The following CELA2A variants were observed in gnomAD, a reference collection of about 807,000 sequenced individuals.
CELA2A encodes the protein chymotrypsin-like elastase family member 2A.
CELA2A carries 31 observed loss-of-function variants against 35.3 expected under a neutral mutation model. The observed-to-expected ratio is 0.88, with a 90% CI of 0.66 to 1.19. The LOEUF (loss-of-function observed/expected upper bound fraction) is 1.19, where lower values mean the gene tolerates loss of function less well. Among genes scored for constraint, CELA2A ranks in the 50% most tolerant of loss-of-function variants. The probability of loss-of-function intolerance (pLI) is 0.00; values close to 1 mark genes in which losing one functional copy is unlikely to be tolerated. For missense variants in CELA2A, 330 were observed against 352.9 expected (o/e 0.94, Z 0.52); for synonymous variants, 150 against 149.8 (o/e 1.00, Z -0.01).
chr1:15,467,552 C>T lies in CELA2A; in HGVS notation c.792+14C>T. 1 of 1,613,388 alleles carries T rather than the reference C, an allele frequency of 6.2e-7. No individual in the cohort carries two copies. ...TGGATCAATTCGGTAAGAACCGGAC[C>T]AGCCCTGAGCCCCAAGGCACTACCC... On this transcript the variant is annotated intron_variant, in intron 7 of 7. Coordinates refer to ENST00000359621, the MANE Select transcript of CELA2A (RefSeq NM_033440.3).
intron 2 of CELA2A, among the ~76,000 whole-genome samples, chr1:15,458,968 G>A (rs1382657185): frequency 3.4e-5 from 4 of 117,884 alleles, no homozygotes; most frequent in Non-Finnish European, 6.6e-5. Context: ...GACTGTCAAC[G>A]ATAGAATGAT....
chr1:15,458,685 G>A (rs1239170313), intron 2 of CELA2A, among the ~76,000 whole-genome samples: 1 of 152,010 alleles, frequency 6.6e-6, no homozygotes, highest in Non-Finnish European at 1.5e-5. Flanking sequence ...GGCCGAGGCA[G>A]GTGGATCACC....
intron 2 of CELA2A, chr1:15,457,451 T>A (rs1175246682): frequency 5.4e-6 from 2 of 373,624 alleles, no homozygotes; most frequent in East Asian, 1.1e-4. Context: ...CCTCTACTAA[T>A]AATACACAAG....
chr1:15,459,699 G>A (rs574942103), intron 2 of CELA2A, among the ~76,000 whole-genome samples: 1 of 152,228 alleles, frequency 6.6e-6, no homozygotes, highest in African/African-American at 2.4e-5. Flanking sequence ...GTTAATCCAT[G>A]AAGAGTCCCT....
intron 7 of CELA2A, among the ~76,000 whole-genome samples, chr1:15,471,284 C>T (rs566428600): frequency 1.3e-5 from 2 of 152,264 alleles, no homozygotes; most frequent in African/African-American, 2.4e-5. Context: ...CGGTGGCTCA[C>T]GCCTGTAATC....
intron 7 of CELA2A, among the ~76,000 whole-genome samples, chr1:15,469,020 A>G (rs988027595): frequency 6.6e-5 from 10 of 152,164 alleles, no homozygotes; most frequent in Non-Finnish European, 1.5e-5. Flanking sequence ...TCTACTAAAA[A>G]TACAAAAATA....
At chr1:15,470,731 C>T (rs1708579016) in intron 7 of CELA2A, among the ~76,000 whole-genome samples, 1 of 152,158 alleles carries the variant, frequency 6.6e-6, no homozygotes, top group African/African-American at 2.4e-5. Context: ...CAGGCACACA[C>T]CACCATGCCC....
At chr1:15,469,102 T>C (rs1195428444) in intron 7 of CELA2A, among the ~76,000 whole-genome samples, 1 of 151,884 alleles carries the variant, frequency 6.6e-6, no homozygotes, top group Non-Finnish European at 1.5e-5. Context: ...CACTTGAACC[T>C]GGGAGGTGGA....
chr1:15,463,243 C>A, intron 4 of CELA2A, 143 bp from the exon 5 acceptor site: 1 of 1,328,108 alleles, frequency 7.5e-7, no homozygotes. Flanking sequence ...TCTGCATTTT[C>A]AAACATGCCC....
intron 2 of CELA2A, among the ~76,000 whole-genome samples, chr1:15,460,159 C>T (rs1708414204): frequency 6.6e-6 from 1 of 152,034 alleles, no homozygotes; most frequent in South Asian, 2.1e-4. Flanking sequence ...TACAGAATTC[C>T]CCAAAGGCAC....
At chr1:15,467,630 C>T in intron 7 of CELA2A, 92 bp downstream of exon 7, 1 of 1,484,660 alleles carries the variant, frequency 6.7e-7, no homozygotes. Flanking sequence ...AGAATCCCCT[C>T]CTTCCTCTTG....
Position 15,457,087 on chromosome 1 carries a change from C to T in CELA2A, c.42C>T (p.Ala14=), listed in dbSNP as rs1238856265. The T allele has an allele frequency of 1.2e-6, 2 of 1,614,008 alleles. No homozygotes were observed. The highest frequency in any genetic ancestry group is 1.1e-5 in the South Asian group (1 of 91,078). The change falls in exon 2 of 8, where the codon GCC becomes GCT. Residue 14 remains alanine (A), a splice_region_variant and synonymous_variant. Coordinates refer to ENST00000359621, the MANE Select transcript of CELA2A (RefSeq NM_033440.3). Reference sequence around the variant, plus strand: ...TCAAGACCCTTTCTCTTTTCACAGCCCTCAGTTGTGGGGACCCCACTTACC... The same window carrying T: ...TCAAGACCCTTTCTCTTTTCACAGCTCTCAGTTGTGGGGACCCCACTTACC... The part of the protein sequence containing the change: ...TLLLSTLVAG[A]LSCGDPTYPP...
At chr1:15,459,166 T>A (rs1708399350) in intron 2 of CELA2A, among the ~76,000 whole-genome samples, 1 of 149,948 alleles carries the variant, frequency 6.7e-6, no homozygotes, top group South Asian at 2.1e-4. Flanking sequence ...ATAGTAATTT[T>A]TTTTTTTTTT....
intron 5 of CELA2A, among the ~76,000 whole-genome samples, chr1:15,465,609 A>G (rs1431688248): frequency 1.3e-5 from 2 of 152,244 alleles, no homozygotes; most frequent in Admixed American, 6.5e-5. Flanking sequence ...ACAGCCAGGC[A>G]TCAGGAACAA....
chr1:15,470,966 T>G (rs1438243197), intron 7 of CELA2A, among the ~76,000 whole-genome samples: 1 of 152,240 alleles, frequency 6.6e-6, no homozygotes, highest in East Asian at 1.9e-4. Context: ...CACTGTCTTC[T>G]ATGCAAAAAC....
intron 4 of CELA2A, 121 bp downstream of exon 4, chr1:15,462,982 G>T: frequency 7.0e-7 from 1 of 1,418,604 alleles, no homozygotes. Context: ...GAGGGGGAAG[G>T]AGCTCTGGCC....
chr1:15,465,966 C>A (rs1708511306), intron 5 of CELA2A, 33 bp from the exon 6 acceptor site: 1 of 1,612,102 alleles, frequency 6.2e-7, no homozygotes, highest in Non-Finnish European at 8.5e-7. Context: ...GGAGTCCCTG[C>A]ATCCCTAATG....
chr1:15,466,296 C>T, intron 6 of CELA2A, 152 bp downstream of exon 6: 2 of 981,712 alleles, frequency 2.0e-6, no homozygotes, highest in South Asian at 3.3e-5. Context: ...GGCACGGTGG[C>T]TCACACCTGT....
In CELA2A at chr1:15,467,341, C is replaced by T. The variant is rs1363490280; in HGVS notation, c.640-45C>T. 6 of 1,588,056 alleles carry T rather than the reference C, an allele frequency of 3.8e-6. No homozygotes were observed. The African/African-American group carries it at 8.1e-5, about 21-fold the overall frequency. The stretch of plus-strand genomic sequence containing the variant: ...TGAGAACAATGGTTCCAATGGGCAG[C>T]CCCTTCCTCTCCCTTTACCTGCCTA... On this transcript the variant is annotated intron_variant, in intron 6 of 7. Coordinates refer to ENST00000359621, the MANE Select transcript of CELA2A (RefSeq NM_033440.3).
Sources: gnomAD v4.1 joint callset for allele counts (sites outside exome capture counted in the v4.1 genomes callset) on GRCh38, gnomAD v4.1.1 for gene constraint, MANE v1.5 for transcripts, NCBI Gene and HGNC (gene_info 2026-07-23, HGNC 2026-07-21) for gene names.